The following KCTD8 variants were observed in gnomAD, a reference collection of about 807,000 sequenced individuals.
KCTD8 encodes the protein BTB/POZ domain-containing protein KCTD8.
KCTD8 carries 27 observed loss-of-function variants against 31.5 expected under a neutral mutation model. The observed-to-expected ratio is 0.86, with a 90% CI of 0.63 to 1.18. KCTD8 has a LOEUF of 1.18. Among genes scored for constraint, KCTD8 ranks in the 50% most tolerant of loss-of-function variants. The probability of loss-of-function intolerance (pLI) is 0.00; values close to 1 mark genes in which losing one functional copy is unlikely to be tolerated. For synonymous variants in KCTD8, 290 were observed against 280.0 expected (o/e 1.04, Z -0.36); for missense variants, 658 against 647.7 (o/e 1.02, Z -0.17).
In KCTD8 at chr4:44,174,808, C is replaced by T. The variant is rs771820344; in HGVS notation, c.1404G>A (p.Leu468=). The T allele has an allele frequency of 6.2e-7, 1 of 1,607,832 alleles. No homozygotes were observed. The highest frequency in any genetic ancestry group is 1.1e-5 in the South Asian group (1 of 90,080). The stretch of plus-strand genomic sequence containing the variant: ...ACAATTACTATAACCCATACTTCTG[C>T]AACAGTTCAGATTGCCATTGGCGTT... ...ERKRQWQSEL[L]QKYGL The change falls in exon 2 of 2, where the codon TTG becomes TTA. Residue 468 remains leucine (L), a synonymous_variant. Transcript: ENST00000360029.
intron 1 of KCTD8, among the ~76,000 whole-genome samples, chr4:44,334,741 C>G (rs546179085): frequency 4.3e-4 from 65 of 152,128 alleles, no homozygotes; most frequent in Non-Finnish European, 8.5e-4. Flanking sequence ...AGGAATAAAA[C>G]ACCAATATTA....
intron 1 of KCTD8, among the ~76,000 whole-genome samples, chr4:44,229,279 C>T (rs555390516): frequency 6.6e-6 from 1 of 152,092 alleles, no homozygotes; most frequent in African/African-American, 2.4e-5. Flanking sequence ...GATTAATTGG[C>T]AGCAGGTGCC....
At chr4:44,363,056 T>G (rs1210486602) in intron 1 of KCTD8, among the ~76,000 whole-genome samples, 1 of 152,100 alleles carries the variant, frequency 6.6e-6, no homozygotes, top group Non-Finnish European at 1.5e-5. Context: ...TCATTTATAT[T>G]GGAAAGGAGG....
At chr4:44,366,823 G>T (rs938609742) in intron 1 of KCTD8, among the ~76,000 whole-genome samples, 2 of 152,030 alleles carry the variant, frequency 1.3e-5, no homozygotes, top group Non-Finnish European at 2.9e-5. Flanking sequence ...AAATCCCACC[G>T]TATGGCAGGT....
intron 1 of KCTD8, among the ~76,000 whole-genome samples, chr4:44,263,866 A>G (rs1027222867): frequency 6.6e-6 from 1 of 152,154 alleles, no homozygotes; most frequent in Non-Finnish European, 1.5e-5. Flanking sequence ...AAGGAATTCC[A>G]AAGAAAGCTC....
chr4:44,220,491 T>C (rs970096941), intron 1 of KCTD8, among the ~76,000 whole-genome samples: 3 of 152,194 alleles, frequency 2.0e-5, no homozygotes, highest in African/African-American at 4.8e-5. Flanking sequence ...CCTTTCATAT[T>C]CCTTTAATTA....
At chr4:44,437,524 T>C (rs1418557371) in intron 1 of KCTD8, among the ~76,000 whole-genome samples, 2 of 152,206 alleles carry the variant, frequency 1.3e-5, no homozygotes, top group African/African-American at 2.4e-5. Context: ...CTCAGTTTGA[T>C]AGTTTTTATG....
intron 1 of KCTD8, among the ~76,000 whole-genome samples, chr4:44,222,189 G>C (rs1360174073): frequency 1.3e-5 from 2 of 152,294 alleles, no homozygotes; most frequent in East Asian, 3.9e-4. Flanking sequence ...TTATTATAGA[G>C]GTTAGTCATT....
At chr4:44,410,285 T>G (rs1032146358) in intron 1 of KCTD8, among the ~76,000 whole-genome samples, 3 of 152,156 alleles carry the variant, frequency 2.0e-5, no homozygotes, top group Admixed American at 1.3e-4. Flanking sequence ...TATGGATTAA[T>G]GCCTAGTGAC....
intron 1 of KCTD8, among the ~76,000 whole-genome samples, chr4:44,328,830 A>G (rs780606239): frequency 6.3e-4 from 95 of 151,948 alleles, no homozygotes; most frequent in Non-Finnish European, 5.4e-4. Context: ...TTCTTTCATT[A>G]TTGACTGTCA....
intron 1 of KCTD8, among the ~76,000 whole-genome samples, chr4:44,343,163 T>G (rs1718949320): frequency 6.6e-6 from 1 of 152,256 alleles, no homozygotes; most frequent in South Asian, 2.1e-4. Context: ...TACCTCAGTA[T>G]GTTTAATCAT....
At chr4:44,337,678 A>AAT (rs1281183251) in intron 1 of KCTD8, among the ~76,000 whole-genome samples, 35 of 122,424 alleles carry the variant, frequency 2.9e-4, no homozygotes, top group Non-Finnish European at 3.9e-4. Flanking sequence ...GATCTCAAAA[A>AAT]ATATATATAT....
intron 1 of KCTD8, among the ~76,000 whole-genome samples, chr4:44,216,153 T>C (rs1247044836): frequency 2.0e-5 from 3 of 152,298 alleles, no homozygotes; most frequent in South Asian, 4.1e-4. Context: ...GAGTTCACTA[T>C]GCTATAGAAA....
intron 1 of KCTD8, among the ~76,000 whole-genome samples, chr4:44,390,387 T>C (rs953024008): frequency 6.6e-5 from 10 of 152,148 alleles, no homozygotes; most frequent in Admixed American, 5.3e-4. Flanking sequence ...ATTTGTTAAA[T>C]AGGGTGTCTT....
At chr4:44,361,319 T>C (rs544422187) in intron 1 of KCTD8, among the ~76,000 whole-genome samples, 16 of 152,236 alleles carry the variant, frequency 1.1e-4, no homozygotes, top group African/African-American at 3.6e-4. Flanking sequence ...CTAAGCCATA[T>C]AGTATATTAT....
At chr4:44,237,885 A>C (rs930071511) in intron 1 of KCTD8, among the ~76,000 whole-genome samples, 1 of 152,154 alleles carries the variant, frequency 6.6e-6, no homozygotes, top group Non-Finnish European at 1.5e-5. Context: ...CCAGTGACAC[A>C]GCTGAGGTTC....
chr4:44,237,547 G>T (rs1294200514), intron 1 of KCTD8, among the ~76,000 whole-genome samples: 1 of 152,132 alleles, frequency 6.6e-6, no homozygotes, highest in Non-Finnish European at 1.5e-5. Flanking sequence ...CTCCAACTTG[G>T]ATAGACCAAT....
intron 1 of KCTD8, among the ~76,000 whole-genome samples, chr4:44,230,875 C>T (rs896251834): frequency 1.3e-5 from 2 of 152,056 alleles, no homozygotes; most frequent in African/African-American, 4.8e-5. Flanking sequence ...CAACAGCTAT[C>T]ATTTGGGAAT....
intron 1 of KCTD8, among the ~76,000 whole-genome samples, chr4:44,218,110 C>T (rs555566061): frequency 2.1e-4 from 29 of 140,326 alleles, no homozygotes; most frequent in Non-Finnish European, 3.5e-4. Flanking sequence ...TAACACTGTA[C>T]ATTTTAAAAT....
Sources: allele counts gnomAD v4.1 joint callset (sites outside exome capture counted in the v4.1 genomes callset), GRCh38; gene constraint gnomAD v4.1.1; transcripts MANE v1.5; gene names NCBI Gene and HGNC (gene_info 2026-07-23, HGNC 2026-07-21).